The following ERC1 variants were observed in gnomAD, a reference collection of about 807,000 sequenced individuals.
ERC1 encodes the protein ELKS/RAB6-interacting/CAST family member 1.
ERC1 carries 56 observed loss-of-function variants against 132.0 expected under a neutral mutation model. The observed-to-expected ratio is 0.42, with a 90% CI of 0.34 to 0.53. ERC1 has a LOEUF of 0.53. Among genes scored for constraint, ERC1 ranks in the 20% least tolerant of loss-of-function variants. The pLI is 0.03. For missense variants in ERC1, 1,202 were observed against 1,349.9 expected, an observed-to-expected ratio of 0.89 and a Z score of 1.72; for synonymous variants, 478 against 476.1, an observed-to-expected ratio of 1.00 and a Z score of -0.05.
intron 7 of ERC1, among the ~76,000 whole-genome samples, chr12:1,120,562 G>A (rs950472656): frequency 5.3e-5 from 8 of 152,134 alleles, no homozygotes; most frequent in Non-Finnish European, 1.2e-4. Flanking sequence ...AAGAATTAAA[G>A]TTCTTTTCTT....
intron 7 of ERC1, among the ~76,000 whole-genome samples, chr12:1,120,812 C>T (rs4554955): frequency 0.68 from 103,414 of 151,932 alleles, 37,220 homozygotes; most frequent in South Asian, 0.89. Flanking sequence ...TTCTTTTTTT[C>T]GGAGGTGCTC....
At chr12:1,187,437 TA>T (rs1955224454) in intron 11 of ERC1, among the ~76,000 whole-genome samples, 1 of 151,512 alleles carries the variant, frequency 6.6e-6, no homozygotes, top group Non-Finnish European at 1.5e-5. Context: ...ATTATTATTT[TA>T]TTTTTTTTTG....
chr12:1,254,664 T>C (rs2076677214), intron 13 of ERC1, among the ~76,000 whole-genome samples: 2 of 152,160 alleles, frequency 1.3e-5, no homozygotes, highest in East Asian at 3.9e-4. Flanking sequence ...CCGGTGTGCA[T>C]CACCACCCAG....
chr12:1,198,061 G>A (rs890532047), intron 12 of ERC1, among the ~76,000 whole-genome samples: 6 of 152,030 alleles, frequency 3.9e-5, no homozygotes, highest in Admixed American at 6.6e-5. Context: ...GGGTAGCTGA[G>A]ACTAGAGGTG....
At chr12:1,067,918 A>C (rs1481911662) in intron 2 of ERC1, among the ~76,000 whole-genome samples, 1 of 137,464 alleles carries the variant, frequency 7.3e-6, no homozygotes, top group African/African-American at 2.6e-5. Flanking sequence ...ATTTCATTTT[A>C]GCCACTGCTT....
At chr12:1,248,351 A>T (rs1368352396) in intron 13 of ERC1, among the ~76,000 whole-genome samples, 1 of 152,222 alleles carries the variant, frequency 6.6e-6, no homozygotes, top group Non-Finnish European at 1.5e-5. Context: ...GTAAATATCA[A>T]TCAGGGTAAG....
intron 17 of ERC1, among the ~76,000 whole-genome samples, chr12:1,411,372 A>G (rs1157554265): frequency 6.6e-6 from 1 of 152,158 alleles, no homozygotes; most frequent in African/African-American, 2.4e-5. Flanking sequence ...TCTCCCTGAA[A>G]TGTCTTTGTC....
In ERC1 at chr12:1,495,475, TC is replaced by T. The variant is rs1243587386; in HGVS notation, c.*5247del. Reference sequence around the variant, plus strand: ...AGGCCCTCTGGGTCCAGCCCCTCATTCCACACCACGCCAGTATTGCATCCAT... The same window carrying T: ...AGGCCCTCTGGGTCCAGCCCCTCATTCACACCACGCCAGTATTGCATCCAT... On this transcript the variant is annotated 3_prime_UTR_variant, in exon 19 of 19. Transcript: ENST00000360905. 8.7e-6 allele frequency: 2 copies of T among 228,890 alleles called. No individual in the cohort carries two copies. The highest frequency in any genetic ancestry group is 5.7e-5 in the Admixed American group (1 of 17,616). The allele number at this position is 228,890 out of a possible 1,614,324, so 14.2% of individuals were successfully genotyped here.
intron 12 of ERC1, among the ~76,000 whole-genome samples, chr12:1,226,973 G>A (rs2074629281): frequency 6.6e-6 from 1 of 152,176 alleles, no homozygotes; most frequent in South Asian, 2.1e-4. Context: ...CACTGTGCCT[G>A]GCCTCCTTTT....
chr12:1,305,611 T>C (rs939639226), intron 15 of ERC1, among the ~76,000 whole-genome samples: 1 of 152,196 alleles, frequency 6.6e-6, no homozygotes, highest in Non-Finnish European at 1.5e-5. Flanking sequence ...TACCTAATTA[T>C]TATTTTCTTT....
At chr12:1,211,468 A>G (rs887035351) in intron 12 of ERC1, among the ~76,000 whole-genome samples, 1 of 151,796 alleles carries the variant, frequency 6.6e-6, no homozygotes, top group African/African-American at 2.4e-5. Flanking sequence ...TGTTAAAAGG[A>G]AAGTACTTTG....
At chr12:1,405,000 C>T (rs933234258) in intron 16 of ERC1, among the ~76,000 whole-genome samples, 15 of 151,692 alleles carry the variant, frequency 9.9e-5, no homozygotes, top group Non-Finnish European at 1.8e-4. Flanking sequence ...AAATAGCCAG[C>T]GTGGTGGTGT....
chr12:1,040,087 C>T (rs1424684149), intron 2 of ERC1, among the ~76,000 whole-genome samples: 2 of 151,986 alleles, frequency 1.3e-5, no homozygotes, highest in African/African-American at 4.8e-5. Context: ...TTTTAGTTAA[C>T]AACAAGTTTA....
chr12:1,111,169 A>G (rs900214605), intron 5 of ERC1, among the ~76,000 whole-genome samples: 2 of 152,110 alleles, frequency 1.3e-5, no homozygotes, highest in Non-Finnish European at 1.5e-5. Context: ...ACAAAGATTG[A>G]TACCACCAAG....
In ERC1 at chr12:1,492,500, C is replaced by T. The variant is rs2094326377; in HGVS notation, c.*2270C>T. 4.3e-6 allele frequency: 1 copy of T among 233,282 alleles called. No homozygotes were observed. Among genetic ancestry groups the T allele is most frequent in the Non-Finnish European group, 8.5e-6 (1 of 118,054 alleles). The allele number at this position is 233,282 out of a possible 1,614,324, so 14.5% of individuals were successfully genotyped here. A position where few individuals can be genotyped will look rare whatever the true frequency, so the allele number is the denominator to read the frequency against. ...TCCAAGCAGGTGGCCCAGATCCCAC[C>T]CACGTGGACTTTCTCATCAGGTGCA... On this transcript the variant is annotated 3_prime_UTR_variant, in exon 19 of 19. Coordinates refer to ENST00000360905, the MANE Select transcript of ERC1 (RefSeq NM_178040.4).
chr12:1,255,959 A>G (rs1220068408), intron 13 of ERC1, among the ~76,000 whole-genome samples: 2 of 152,046 alleles, frequency 1.3e-5, no homozygotes, highest in Non-Finnish European at 2.9e-5. Flanking sequence ...GTGAGATGGT[A>G]TCTCATTGTG....
chr12:1,007,546 G>C (rs199735200), intron 1 of ERC1, among the ~76,000 whole-genome samples: 7,229 of 50,666 alleles, frequency 0.14, 299 homozygotes, highest in East Asian at 0.47. Flanking sequence ...CTCTCTGTGT[G>C]TGTGTGTGTG....
At chr12:1,357,626 T>G (rs2085670126) in intron 15 of ERC1, among the ~76,000 whole-genome samples, 1 of 152,210 alleles carries the variant, frequency 6.6e-6, no homozygotes, top group Admixed American at 6.5e-5. Flanking sequence ...TACCTTAGTT[T>G]GAAGGGACTA....
chr12:1,147,992 C>G (rs1190189038), intron 8 of ERC1, among the ~76,000 whole-genome samples: 1 of 152,086 alleles, frequency 6.6e-6, no homozygotes, highest in Non-Finnish European at 1.5e-5. Context: ...TCATTTAAAA[C>G]CAAAGTGTTG....
Sources: gnomAD v4.1 joint callset for allele counts (sites outside exome capture counted in the v4.1 genomes callset) on GRCh38, gnomAD v4.1.1 for gene constraint, MANE v1.5 for transcripts, NCBI Gene and HGNC (gene_info 2026-07-23, HGNC 2026-07-21) for gene names.